Variants in NRXN1 observed in about 807,000 individuals in gnomAD.
NRXN1 encodes the protein neurexin-1.
NRXN1 carries 39 observed loss-of-function variants against 150.9 expected under a neutral mutation model. The observed-to-expected ratio is 0.26, with a 90% CI of 0.20 to 0.34. The LOEUF (loss-of-function observed/expected upper bound fraction) is 0.34, where lower values mean the gene tolerates loss of function less well. Among genes scored for constraint, NRXN1 ranks in the 10% least tolerant of loss-of-function variants. The probability of loss-of-function intolerance (pLI) is 1.00; values close to 1 mark genes in which losing one functional copy is unlikely to be tolerated. For synonymous variants in NRXN1, 924 were observed against 757.0 expected (o/e 1.22, Z -3.62); for missense variants, 1,815 against 1,949.9 (o/e 0.93, Z 1.30).
At chr2:50,235,646 G>A (rs986203509) in intron 18 of NRXN1, among the ~76,000 whole-genome samples, 5 of 152,014 alleles carry the variant, frequency 3.3e-5, no homozygotes, top group Non-Finnish European at 7.4e-5. Context: ...ACTGGTACCC[G>A]ATGACCACTT....
intron 17 of NRXN1, chr2:50,312,683 T>G: frequency 4.0e-6 from 2 of 501,896 alleles, no homozygotes; most frequent in South Asian, 2.9e-5. Flanking sequence ...TGATTTTTTG[T>G]CACATCCTCT....
intron 18 of NRXN1, among the ~76,000 whole-genome samples, chr2:50,163,024 C>G (rs778739847): frequency 4.6e-5 from 7 of 151,548 alleles, no homozygotes; most frequent in Non-Finnish European, 1.0e-4. Context: ...TGGAGATATT[C>G]TTGTAAGACA....
chr2:49,963,002 T>C (rs980845416), intron 21 of NRXN1, among the ~76,000 whole-genome samples: 3 of 152,004 alleles, frequency 2.0e-5, no homozygotes, highest in Admixed American at 6.6e-5. Flanking sequence ...AAAATACAAA[T>C]AAAATGAAAC....
At chr2:49,948,364 C>A (rs1257352357) in intron 21 of NRXN1, among the ~76,000 whole-genome samples, 1 of 152,098 alleles carries the variant, frequency 6.6e-6, no homozygotes, top group Non-Finnish European at 1.5e-5. Flanking sequence ...TACAATGGTA[C>A]TTCCTATAGC....
At chr2:50,378,781 G>A (rs2080716600) in intron 17 of NRXN1, among the ~76,000 whole-genome samples, 1 of 152,112 alleles carries the variant, frequency 6.6e-6, no homozygotes, top group African/African-American at 2.4e-5. Flanking sequence ...GAAATTTATG[G>A]AAGGAATTCA....
At chr2:50,375,903 A>G (rs1295341673) in intron 17 of NRXN1, among the ~76,000 whole-genome samples, 2 of 151,990 alleles carry the variant, frequency 1.3e-5, no homozygotes, top group Non-Finnish European at 2.9e-5. Context: ...AGAAATAAAT[A>G]CAACCCCTTC....
rs1558590772 is a variant in NRXN1, at chr2:50,357,310, T to TTATTTA, written c.3364+108131_3364+108132insTAAATA. On this transcript the variant is annotated intron_variant, in intron 17 of 22. Transcript: ENST00000401669. ...CATTTATTTATTTATTTATTTTTTTTTTTATTTATTATTTTGAGACAAAGT... is the reference window on the plus strand; with the variant it reads ...CATTTATTTATTTATTTATTTTTTTTTATTTATTTATTTATTATTTTGAGACAAAGT... 9.4e-3 allele frequency among the ~76,000 whole-genome samples: 953 copies of TTATTTA among 101,290 alleles called. 9 individuals carry two copies. Among genetic ancestry groups the TTATTTA allele is most frequent in the African/African-American group, 0.033 (933 of 28,504 alleles). 66.5% of individuals were successfully genotyped at this position (101,290 alleles called of 152,430 possible). A position where few individuals can be genotyped will look rare whatever the true frequency, so the allele number is the denominator to read the frequency against.
intron 15 of NRXN1, among the ~76,000 whole-genome samples, chr2:50,486,549 C>T (rs945031743): frequency 1.3e-5 from 2 of 152,122 alleles, no homozygotes; most frequent in African/African-American, 4.8e-5. Context: ...AAGAATGGTA[C>T]ACTAGTACAG....
At chr2:50,449,881 T>C (rs966122289) in intron 17 of NRXN1, among the ~76,000 whole-genome samples, 1 of 152,128 alleles carries the variant, frequency 6.6e-6, no homozygotes, top group South Asian at 2.1e-4. Flanking sequence ...AATTCTCAAA[T>C]CAACCCTGCA....
At chr2:50,544,229 ATAAG>A (rs67049903) in intron 9 of NRXN1, among the ~76,000 whole-genome samples, 41,424 of 151,694 alleles carry the variant, frequency 0.27, 5,974 homozygotes, top group East Asian at 0.5. Context: ...TATGCACAAC[ATAAG>A]TAATAAAAAC....
At chr2:50,221,350 T>C (rs1361030345) in intron 18 of NRXN1, among the ~76,000 whole-genome samples, 1 of 152,022 alleles carries the variant, frequency 6.6e-6, no homozygotes, top group Non-Finnish European at 1.5e-5. Flanking sequence ...CCACAGCAAG[T>C]TGCATCTGTT....
chr2:50,965,129 T>C (rs13400688), intron 2 of NRXN1, among the ~76,000 whole-genome samples: 37,797 of 151,154 alleles, frequency 0.25, 6,168 homozygotes, highest in East Asian at 0.56. Flanking sequence ...CTATGAAACT[T>C]ATAACATCAC....
chr2:50,407,685 C>T (rs1338332668), intron 17 of NRXN1, among the ~76,000 whole-genome samples: 1 of 151,928 alleles, frequency 6.6e-6, no homozygotes, highest in Non-Finnish European at 1.5e-5. Flanking sequence ...GCTAGCACAC[C>T]CAGCCCTCTC....
At chr2:50,671,015 T>C (rs899647437) in intron 5 of NRXN1, among the ~76,000 whole-genome samples, 1 of 151,888 alleles carries the variant, frequency 6.6e-6, no homozygotes, top group Non-Finnish European at 1.5e-5. Context: ...TAAATATCTT[T>C]TCTCTTCTTA....
chr2:50,042,644 T>A (rs1413371431), intron 21 of NRXN1, among the ~76,000 whole-genome samples: 3 of 152,130 alleles, frequency 2.0e-5, no homozygotes, highest in Non-Finnish European at 2.9e-5. Flanking sequence ...AACCACTTAC[T>A]AAGTGTCCTT....
intron 17 of NRXN1, among the ~76,000 whole-genome samples, chr2:50,294,507 G>C (rs762556027): frequency 6.6e-6 from 1 of 152,140 alleles, no homozygotes; most frequent in Non-Finnish European, 1.5e-5. Flanking sequence ...AAGAACTGAA[G>C]ACAGGTTGTA....
At chr2:50,232,482 G>A (rs997636761) in intron 18 of NRXN1, among the ~76,000 whole-genome samples, 5 of 146,626 alleles carry the variant, frequency 3.4e-5, no homozygotes, top group African/African-American at 1.0e-4. Flanking sequence ...CACCTTCTGG[G>A]TTCAAACGAT....
chr2:50,381,656 C>T (rs185241029), intron 17 of NRXN1, among the ~76,000 whole-genome samples: 2 of 151,822 alleles, frequency 1.3e-5, no homozygotes, highest in East Asian at 1.9e-4. Flanking sequence ...AAACTAGCTC[C>T]AGATACTATT....
At chr2:50,456,160 C>T (rs540239707) in intron 17 of NRXN1, among the ~76,000 whole-genome samples, 1 of 152,140 alleles carries the variant, frequency 6.6e-6, no homozygotes, top group Non-Finnish European at 1.5e-5. Context: ...ATACAGCCTC[C>T]TCCTTGTTCA....
Sources: allele counts gnomAD v4.1 joint callset (sites outside exome capture counted in the v4.1 genomes callset), GRCh38; gene constraint gnomAD v4.1.1; transcripts MANE v1.5; gene names NCBI Gene and HGNC (gene_info 2026-07-23, HGNC 2026-07-21).